Variants in CCDC148 observed in about 807,000 individuals in gnomAD.
The protein encoded by CCDC148 is coiled-coil domain-containing protein 148.
Under a neutral mutation model 85.7 loss-of-function variants are expected in CCDC148, and 89 were observed. The observed-to-expected ratio is 1.04, with a 90% CI of 0.87 to 1.24. CCDC148 has a LOEUF of 1.24. Ranked by LOEUF, CCDC148 falls within the 50% of genes most tolerant of loss-of-function variation. The pLI is 0.00. For synonymous variants in CCDC148, 230 were observed against 213.9 expected (o/e 1.08, Z -0.66); for missense variants, 692 against 671.7 (o/e 1.03, Z -0.33).
chr2:158,293,464 T>A (rs1448571235), intron 9 of CCDC148, among the ~76,000 whole-genome samples: 1 of 152,236 alleles, frequency 6.6e-6, no homozygotes, highest in East Asian at 1.9e-4. Context: ...CCACAAATAT[T>A]TGGCAATCAC....
intron 9 of CCDC148, among the ~76,000 whole-genome samples, chr2:158,289,333 G>T (rs1690781093): frequency 6.6e-6 from 1 of 151,706 alleles, no homozygotes; most frequent in African/African-American, 2.4e-5. Flanking sequence ...AACCCACAAA[G>T]AACTAATATG....
At chr2:158,297,734 C>G (rs1574573225) in intron 9 of CCDC148, among the ~76,000 whole-genome samples, 1 of 152,212 alleles carries the variant, frequency 6.6e-6, no homozygotes, top group African/African-American at 2.4e-5. Flanking sequence ...GAAATAACAT[C>G]CAGAATCATG....
At chr2:158,347,067 A>G (rs559605844) in intron 2 of CCDC148, among the ~76,000 whole-genome samples, 1 of 152,342 alleles carries the variant, frequency 6.6e-6, no homozygotes, top group Admixed American at 6.5e-5. Context: ...TACCAAAAAA[A>G]TATAAGTACA....
intron 11 of CCDC148, among the ~76,000 whole-genome samples, chr2:158,215,644 T>C (rs1328512286): frequency 6.6e-6 from 1 of 152,162 alleles, no homozygotes; most frequent in Non-Finnish European, 1.5e-5. Flanking sequence ...TGCTGCACCT[T>C]TTTCTAACTA....
In CCDC148 at chr2:158,406,622, T is replaced by TCTGTTTTTTTTTTTTG. The variant is rs1553518860; in HGVS notation, c.26-48053_26-48052insCAAAAAAAAAAAACAG. On this transcript the variant is annotated intron_variant, in intron 1 of 13. Coordinates refer to ENST00000283233, the MANE Select transcript of CCDC148 (RefSeq NM_138803.4). ...TAAACAGATTAAATTTCTTTTTTTT[T>TCTGTTTTTTTTTTTTG]TTTTTTTTTTTTTTTTTTGAGACAG... Among the ~76,000 whole-genome samples, 74 of 84,360 alleles carry TCTGTTTTTTTTTTTTG rather than the reference T, an allele frequency of 8.8e-4. 2 individuals are homozygous for TCTGTTTTTTTTTTTTG. Among genetic ancestry groups the TCTGTTTTTTTTTTTTG allele is most frequent in the East Asian group, 1.1e-3 (4 of 3,548 alleles). The allele number at this position is 84,360 out of a possible 152,430, so 55.3% of individuals were successfully genotyped here.
intron 9 of CCDC148, among the ~76,000 whole-genome samples, chr2:158,258,249 A>C (rs578004303): frequency 1.3e-5 from 2 of 152,060 alleles, no homozygotes; most frequent in Admixed American, 1.3e-4. Flanking sequence ...TGTAAGTCAC[A>C]GTCAAAGAAG....
intron 10 of CCDC148, among the ~76,000 whole-genome samples, chr2:158,236,873 A>C (rs1688130278): frequency 6.6e-6 from 1 of 152,180 alleles, no homozygotes; most frequent in Non-Finnish European, 1.5e-5. Flanking sequence ...CTCTTTTCTC[A>C]TGGGGCTTAC....
intron 11 of CCDC148, among the ~76,000 whole-genome samples, chr2:158,202,013 G>A (rs560038025): frequency 6.6e-6 from 1 of 152,294 alleles, no homozygotes; most frequent in African/African-American, 2.4e-5. Flanking sequence ...GGTAGAGAGA[G>A]AGAGTAGAAA....
intron 7 of CCDC148, among the ~76,000 whole-genome samples, chr2:158,325,184 TC>T: frequency 6.6e-6 from 1 of 152,128 alleles, no homozygotes; most frequent in South Asian, 2.1e-4. Flanking sequence ...TCTGTACACA[TC>T]ATCTTCAATT....
At chr2:158,338,376 A>T (rs1243468684) in intron 7 of CCDC148, among the ~76,000 whole-genome samples, 1 of 152,188 alleles carries the variant, frequency 6.6e-6, no homozygotes, top group Non-Finnish European at 1.5e-5. Flanking sequence ...TTCCATGGGT[A>T]CATTTTCCAT....
chr2:158,401,007 T>C (rs189188648), intron 1 of CCDC148, among the ~76,000 whole-genome samples: 2 of 152,276 alleles, frequency 1.3e-5, no homozygotes, highest in East Asian at 1.9e-4. Context: ...TGAGATATCA[T>C]CTCACGCCAG....
intron 7 of CCDC148, among the ~76,000 whole-genome samples, chr2:158,326,540 A>T (rs963025267): frequency 6.6e-6 from 1 of 152,164 alleles, no homozygotes; most frequent in African/African-American, 2.4e-5. Context: ...AGTCAGTCAT[A>T]TCTTCATCTC....
chr2:158,392,975 C>G (rs1685377292), intron 1 of CCDC148, among the ~76,000 whole-genome samples: 1 of 151,834 alleles, frequency 6.6e-6, no homozygotes, highest in African/African-American at 2.4e-5. Context: ...GCTTACATTA[C>G]AAGTATTATC....
chr2:158,243,392 C>G (rs1161963814), intron 10 of CCDC148, among the ~76,000 whole-genome samples: 1 of 152,200 alleles, frequency 6.6e-6, no homozygotes, highest in Non-Finnish European at 1.5e-5. Context: ...CATACTCTCT[C>G]TGTCCCTTTC....
chr2:158,247,902 T>A (rs1209620021), intron 10 of CCDC148, among the ~76,000 whole-genome samples: 1 of 152,094 alleles, frequency 6.6e-6, no homozygotes, highest in Non-Finnish European at 1.5e-5. Flanking sequence ...AACACAGGTA[T>A]ATTTATATTT....
At chr2:158,341,325 T>G (rs77929606) in intron 3 of CCDC148, among the ~76,000 whole-genome samples, 29 of 107,202 alleles carry the variant, frequency 2.7e-4, no homozygotes, top group South Asian at 9.0e-4. Flanking sequence ...TTTTTTTTTT[T>G]GGACTGAGTC....
Position 158,422,471 on chromosome 2 carries a change from C to G in CCDC148, c.25+33944G>C, listed in dbSNP as rs141945033. ...ATGTAATCCATCATATAAACAGAAC[C>G]AAAGACAAATCCACATGATAATCTC... On this transcript the variant is annotated intron_variant, in intron 1 of 13. Transcript: ENST00000283233. 6.3e-3 allele frequency among the ~76,000 whole-genome samples: 964 copies of G among 152,172 alleles called. 14 individuals carry two copies. Among genetic ancestry groups the G allele is most frequent in the African/African-American group, 0.022 (919 of 41,508 alleles).
intron 1 of CCDC148, among the ~76,000 whole-genome samples, chr2:158,433,091 A>AAAAAAAAAAAAAAAAAATAT (rs1553521585): frequency 1.9e-5 from 1 of 51,340 alleles, no homozygotes; most frequent in African/African-American, 5.5e-5. Context: ...AAAAAAAAAA[A>AAAAAAAAAAAAAAAAAATAT]ATATATATAT....
intron 10 of CCDC148, among the ~76,000 whole-genome samples, chr2:158,223,945 C>CA (rs1463461626): frequency 6.6e-6 from 1 of 152,162 alleles, no homozygotes; most frequent in Non-Finnish European, 1.5e-5. Flanking sequence ...AGCTCCTTGC[C>CA]AGCAATGGAA....
Sources: gnomAD v4.1 joint callset for allele counts (sites outside exome capture counted in the v4.1 genomes callset) on GRCh38, gnomAD v4.1.1 for gene constraint, MANE v1.5 for transcripts, NCBI Gene and HGNC (gene_info 2026-07-23, HGNC 2026-07-21) for gene names.